The following ADGRF5 variants were observed in gnomAD, a reference collection of about 807,000 sequenced individuals.
ADGRF5 encodes G-protein coupled receptor 116.
Under a neutral mutation model 132.3 loss-of-function variants are expected in ADGRF5, and 75 were observed. That is an observed-to-expected ratio of 0.57 (90% CI 0.47 to 0.69). The LOEUF is 0.69. Ranked by LOEUF, ADGRF5 falls within the 30% of genes least tolerant of loss-of-function variation. ADGRF5 has a pLI of 0.00. For missense variants in ADGRF5, 1,516 were observed against 1,630.6 expected (o/e 0.93, Z 1.21); for synonymous variants, 629 against 597.6 (o/e 1.05, Z -0.77).
At chr6:46,913,549 T>C (rs1445830868) in intron 1 of ADGRF5, among the ~76,000 whole-genome samples, 1 of 151,236 alleles carries the variant, frequency 6.6e-6, no homozygotes, top group East Asian at 1.9e-4. Context: ...TGTCCAGTGG[T>C]GCCAAGAAGT....
intron 4 of ADGRF5, among the ~76,000 whole-genome samples, chr6:46,885,684 G>C (rs1405621936): frequency 1.3e-5 from 2 of 152,182 alleles, no homozygotes; most frequent in East Asian, 3.8e-4. Flanking sequence ...TCATCTCCCA[G>C]AGTGAGCAAA....
Position 46,930,065 on chromosome 6 carries a change from C to G in ADGRF5, c.-24-23279G>C, listed in dbSNP as rs190246290. ...CGAACTCCTGACCTCAGGTGATCCA[C>G]CCGCCTCAGCCTCCCAAAGTGCTGG... On this transcript the variant is annotated intron_variant, in intron 1 of 20. Coordinates refer to the ADGRF5 transcript ENST00000265417. Among the ~76,000 whole-genome samples the G allele has an allele frequency of 4.4e-3, 668 of 152,170 alleles. 5 individuals are homozygous for G. Among genetic ancestry groups the G allele is most frequent in the Non-Finnish European group, 7.4e-3 (506 of 68,008 alleles).
intron 1 of ADGRF5, among the ~76,000 whole-genome samples, chr6:46,929,273 A>G (rs146044599): frequency 0.021 from 3,137 of 152,118 alleles, 119 homozygotes; most frequent in African/African-American, 0.071. Flanking sequence ...GTTCTCACTC[A>G]TAGGTGAGAA....
In ADGRF5 at chr6:46,858,370, G is replaced by A. The variant is rs866492361; in HGVS notation, c.3533C>T (p.Pro1178Leu). The A allele has an allele frequency of 1.2e-6, 2 of 1,613,984 alleles. No homozygotes were observed. The highest frequency in any genetic ancestry group is 1.7e-6 in the Non-Finnish European group (2 of 1,179,922). ...GTTCACCACCACAATGATCAGTGCT[G>A]GGATGGCGAAAGCCAGCAGGGCCTT... is the stretch of plus-strand genomic sequence containing the variant. ...DTKALLAFAI[P>L]ALIIVVVNIT... is the part of the protein sequence containing the mutation. The change falls in exon 17 of 21, where the codon CCA (proline) becomes CTA (leucine). Residue 1178 changes from proline (P) to leucine (L), a missense_variant. Pro to Leu is a moderately conservative substitution (Grantham distance 98, BLOSUM62 -3). Around this residue, in one of 2 missense-constraint regions of ADGRF5, gnomAD observed 571 missense variants for 701.2 expected, o/e 0.81. Coordinates refer to ENST00000283296, the MANE Select transcript of ADGRF5 (RefSeq NM_001098518.2).
chr6:46,917,675 C>T (rs759359734), intron 1 of ADGRF5, among the ~76,000 whole-genome samples: 3 of 152,138 alleles, frequency 2.0e-5, no homozygotes, highest in Non-Finnish European at 2.9e-5. Context: ...AACCCTCACC[C>T]GCCCCCCACA....
chr6:46,949,877 T>G (rs1237071087), intron 1 of ADGRF5, among the ~76,000 whole-genome samples: 4 of 152,186 alleles, frequency 2.6e-5, no homozygotes, highest in African/African-American at 9.7e-5. Context: ...AGTGAAGTTT[T>G]CCCTCCTCAT....
rs374040468 is a variant in ADGRF5 at position 46,890,455 on chromosome 6, C to T, written c.158-1950G>A. ...AAAGTAGGGCGGGCGCCATGGCTTACGCCTGTAATCCCAGCACTTTGGGAG... is the reference window on the plus strand; with the variant it reads ...AAAGTAGGGCGGGCGCCATGGCTTATGCCTGTAATCCCAGCACTTTGGGAG... On this transcript the variant is annotated intron_variant, in intron 3 of 20. Coordinates refer to ENST00000283296, the MANE Select transcript of ADGRF5 (RefSeq NM_001098518.2). 9.2e-5 allele frequency among the ~76,000 whole-genome samples: 14 copies of T among 151,858 alleles called. No individual in the cohort carries two copies. In the East Asian group the frequency reaches 2.4e-3, roughly 26 times the overall value.
At chr6:46,863,223 C>A (rs916449691) in intron 14 of ADGRF5, 127 bp from the exon 15 acceptor site, 10 of 767,734 alleles carry the variant, frequency 1.3e-5, no homozygotes, top group Non-Finnish European at 2.3e-5. Flanking sequence ...GTCACCTTTT[C>A]AGAACTACCC....
chr6:46,889,376 T>A (rs1464672896), intron 3 of ADGRF5, among the ~76,000 whole-genome samples: 4 of 147,530 alleles, frequency 2.7e-5, no homozygotes, highest in African/African-American at 9.8e-5. Flanking sequence ...ACAGTCTATG[T>A]ATAGAGACTA....
chr6:46,866,159 G>T (rs1268819637), intron 13 of ADGRF5, among the ~76,000 whole-genome samples: 1 of 152,026 alleles, frequency 6.6e-6, no homozygotes, highest in African/African-American at 2.4e-5. Flanking sequence ...TTAAACTTAG[G>T]TTGGCACTCC....
At chr6:46,926,392 A>G (rs1777240809), upstream of ADGRF5, among the ~76,000 whole-genome samples, 1 of 151,326 alleles carries the variant, frequency 6.6e-6, no homozygotes, top group South Asian at 2.1e-4. Flanking sequence ...AATCCAAGTC[A>G]CCCTCCAAGT....
intron 1 of ADGRF5, among the ~76,000 whole-genome samples, chr6:46,929,787 ATTC>A (rs1312395226): frequency 6.6e-6 from 1 of 151,916 alleles, no homozygotes; most frequent in Non-Finnish European, 1.5e-5. Context: ...CAGGGCCTAT[ATTC>A]TTCTTATTAT....
intron 1 of ADGRF5, among the ~76,000 whole-genome samples, chr6:46,953,685 A>ATATATATATATATCTATATC (rs1326327311): frequency 7.9e-5 from 10 of 126,948 alleles, no homozygotes; most frequent in African/African-American, 2.6e-4. Flanking sequence ...ATATATATAT[A>ATATATATATATATCTATATC]TATATCTCAC....
intron 1 of ADGRF5, among the ~76,000 whole-genome samples, chr6:46,920,721 G>A (rs1776855197): frequency 6.6e-6 from 1 of 151,978 alleles, no homozygotes; most frequent in Non-Finnish European, 1.5e-5. Context: ...AAATTAGCAG[G>A]GTGTGGTGGC....
intron 4 of ADGRF5, among the ~76,000 whole-genome samples, chr6:46,887,289 G>A (rs570442068): frequency 1.3e-5 from 2 of 152,242 alleles, no homozygotes; most frequent in African/African-American, 4.8e-5. Context: ...TATTCTAAAG[G>A]CAAAAGATCT....
chr6:46,873,605 C>G (rs1771326626), intron 10 of ADGRF5, among the ~76,000 whole-genome samples: 1 of 151,972 alleles, frequency 6.6e-6, no homozygotes, highest in African/African-American at 2.4e-5. Context: ...ATCTTTTTCT[C>G]TATTCTCTCT....
intron 2 of ADGRF5, among the ~76,000 whole-genome samples, chr6:46,905,851 T>C (rs1046853110): frequency 1.3e-5 from 2 of 152,206 alleles, no homozygotes; most frequent in African/African-American, 4.8e-5. Flanking sequence ...ATTTATTATG[T>C]GCCAGACACT....
intron 1 of ADGRF5, among the ~76,000 whole-genome samples, chr6:46,910,650 G>A (rs537246697): frequency 6.6e-5 from 10 of 152,172 alleles, no homozygotes; most frequent in East Asian, 5.8e-4. Flanking sequence ...ATTCTCCTGA[G>A]AACAAGGTGC....
At position 46,863,050 on chromosome 6, in the gene ADGRF5, C is replaced by T. The variant is rs144652122; in HGVS notation, c.2037G>A (p.Pro679=). The T allele has an allele frequency of 5.4e-4, 865 of 1,613,972 alleles. 6 individuals carry two copies. The East Asian group carries it at 0.013, about 25-fold the overall frequency. Residue 679 remains proline, a synonymous_variant, in exon 15 of 21, where the codon CCG becomes CCA. Transcript: ENST00000283296. ...GGCATAGCTTCTGGATGACTTTCCCCGGCTCTCCGACACCTATTACGGGAT... is the reference window on the plus strand; with the variant it reads ...GGCATAGCTTCTGGATGACTTTCCCTGGCTCTCCGACACCTATTACGGGAT... ...CQDPVIGVGE[P]GKVIQKLCRF...
Sources: allele counts gnomAD v4.1 joint callset (sites outside exome capture counted in the v4.1 genomes callset), GRCh38; gene constraint gnomAD v4.1.1; regional missense constraint gnomAD v4.1.1; transcripts MANE v1.5; gene names NCBI Gene and HGNC (gene_info 2026-07-23, HGNC 2026-07-21).